Variants in HS6ST3 observed in about 807,000 individuals in gnomAD.
The protein encoded by HS6ST3 is heparan sulfate 6-O-sulfotransferase 3, also known as heparan-sulfate 6-O-sulfotransferase 3.
Under a neutral mutation model 36.7 loss-of-function variants are expected in HS6ST3, and 12 were observed. That is an observed-to-expected ratio of 0.33 (90% CI 0.21 to 0.53). The LOEUF (loss-of-function observed/expected upper bound fraction) is 0.53, where lower values mean the gene tolerates loss of function less well. Ranked by LOEUF, HS6ST3 falls within the 20% of genes least tolerant of loss-of-function variation. HS6ST3 has a pLI of 0.95. For missense variants in HS6ST3, 584 were observed against 640.9 expected (o/e 0.91, Z 0.96); for synonymous variants, 240 against 257.5 (o/e 0.93, Z 0.65).
rs890016170 is a variant in HS6ST3, at chr13:96,184,269, T to C, written c.707+92700T>C. 2.6e-5 allele frequency among the ~76,000 whole-genome samples: 4 copies of C among 151,826 alleles called. No individual in the cohort carries two copies. In the East Asian group the frequency reaches 7.7e-4, roughly 29 times the overall value. On this transcript the variant is annotated intron_variant, in intron 1 of 1. Transcript: ENST00000376705. ...TAGTTAAGATGGTAAGATTTATCTA[T>C]GTGTATTTTACCACAATTAAAAAAA...
chr13:96,751,432 G>A (rs1205680326), intron 1 of HS6ST3, among the ~76,000 whole-genome samples: 14 of 152,104 alleles, frequency 9.2e-5, no homozygotes, highest in African/African-American at 3.1e-4. Context: ...TGGAAAGGGA[G>A]GGACAGAATC....
At chr13:96,103,276 G>A (rs1481779374) in intron 1 of HS6ST3, among the ~76,000 whole-genome samples, 1 of 152,176 alleles carries the variant, frequency 6.6e-6, no homozygotes, top group Non-Finnish European at 1.5e-5. Context: ...TAATTTGGCA[G>A]AGTGGTATCC....
chr13:96,382,144 T>C (rs1267628082), intron 1 of HS6ST3, among the ~76,000 whole-genome samples: 1 of 152,122 alleles, frequency 6.6e-6, no homozygotes, highest in African/African-American at 2.4e-5. Flanking sequence ...TAAGGAGGGT[T>C]GTTTTGCTAG....
chr13:96,620,987 C>T (rs1432432726), intron 1 of HS6ST3, among the ~76,000 whole-genome samples: 3 of 152,158 alleles, frequency 2.0e-5, no homozygotes, highest in African/African-American at 7.2e-5. Flanking sequence ...AGTCCTAGAC[C>T]TGGGAGGCAG....
At chr13:96,742,252 A>T (rs1439537113) in intron 1 of HS6ST3, among the ~76,000 whole-genome samples, 1 of 152,132 alleles carries the variant, frequency 6.6e-6, no homozygotes, top group African/African-American at 2.4e-5. Context: ...ACGGCAGAAA[A>T]GGAGGAAAAA....
chr13:96,158,226 G>C (rs1157480243), intron 1 of HS6ST3, among the ~76,000 whole-genome samples: 1 of 152,150 alleles, frequency 6.6e-6, no homozygotes, highest in East Asian at 1.9e-4. Context: ...GGCTGTGCAG[G>C]AGGAGTGCTA....
At position 96,832,617 on chromosome 13, in the gene HS6ST3, G is replaced by T. The variant is rs759593534; in HGVS notation, c.835G>T (p.Asp279Tyr). The change falls in exon 2 of 2, where the codon GAT (aspartate) becomes TAT (tyrosine). Residue 279 changes from aspartate (D) to tyrosine (Y), a missense_variant. Asp to Tyr is a radical substitution (Grantham distance 160, BLOSUM62 -3). This residue lies in a region of HS6ST3 where 360 missense variants were observed against 411.3 expected (regional missense o/e 0.88). Coordinates refer to ENST00000376705, the MANE Select transcript of HS6ST3 (RefSeq NM_153456.4). Reference sequence around the variant, plus strand: ...GTGTGATGGAAGAAGCCCCACCCCAGATGAGCTGCCTACCTGCTACCCTGG... The same window carrying T: ...GTGTGATGGAAGAAGCCCCACCCCATATGAGCTGCCTACCTGCTACCCTGG... ...HMCDGRSPTP[D>Y]ELPTCYPGDD... 1 of 1,614,168 alleles carries T rather than the reference G, an allele frequency of 6.2e-7. No individual in the cohort carries two copies. The highest frequency in any genetic ancestry group is 8.5e-7 in the Non-Finnish European group (1 of 1,180,018).
chr13:96,738,452 G>GA (rs1285368424), intron 1 of HS6ST3, among the ~76,000 whole-genome samples: 1 of 151,772 alleles, frequency 6.6e-6, no homozygotes, highest in Non-Finnish European at 1.5e-5. Flanking sequence ...TATTCAAATG[G>GA]AAAAAATCTC....
At chr13:96,615,524 G>C (rs1427088499) in intron 1 of HS6ST3, among the ~76,000 whole-genome samples, 1 of 152,154 alleles carries the variant, frequency 6.6e-6, no homozygotes, top group African/African-American at 2.4e-5. Context: ...TGTAGACCCT[G>C]TATATATCAC....
intron 1 of HS6ST3, among the ~76,000 whole-genome samples, chr13:96,399,871 A>T (rs930099401): frequency 2.0e-5 from 3 of 152,244 alleles, no homozygotes; most frequent in Admixed American, 6.5e-5. Context: ...CTACATTATA[A>T]GTAAAAACTA....
At position 96,834,005 on chromosome 13, in the gene HS6ST3, T is replaced by A. The variant is rs1460139145; in HGVS notation, c.*807T>A. 6.6e-6 allele frequency: 1 copy of A among 152,182 alleles called. No individual in the cohort carries two copies. Among genetic ancestry groups the A allele is most frequent in the African/African-American group, 2.4e-5 (1 of 41,426 alleles). 9.4% of individuals were successfully genotyped at this position (152,182 alleles called of 1,614,324 possible). ...TCACTTTACCAATTGTTACTTTCAATGTGAGGAATGAATGATAAATTAAGA... is the reference window on the plus strand; with the variant it reads ...TCACTTTACCAATTGTTACTTTCAAAGTGAGGAATGAATGATAAATTAAGA... On this transcript the variant is annotated 3_prime_UTR_variant, in exon 2 of 2. Transcript: ENST00000376705.
At chr13:96,441,960 A>G (rs2139480676) in intron 1 of HS6ST3, among the ~76,000 whole-genome samples, 1 of 152,318 alleles carries the variant, frequency 6.6e-6, no homozygotes, top group South Asian at 2.1e-4. Flanking sequence ...AAAATTTTCC[A>G]GAGTTAAAAA....
chr13:96,156,312 A>G (rs2054110260), intron 1 of HS6ST3, among the ~76,000 whole-genome samples: 1 of 152,174 alleles, frequency 6.6e-6, no homozygotes, highest in South Asian at 2.1e-4. Context: ...ATACTGTGGC[A>G]TCCTCCTGCT....
At chr13:96,347,201 T>G (rs1441051703) in intron 1 of HS6ST3, among the ~76,000 whole-genome samples, 1 of 152,140 alleles carries the variant, frequency 6.6e-6, no homozygotes, top group Non-Finnish European at 1.5e-5. Context: ...CGGAACTGTT[T>G]CAAGCTGCTA....
chr13:96,193,696 A>G (rs1208082944), intron 1 of HS6ST3, among the ~76,000 whole-genome samples: 6 of 152,214 alleles, frequency 3.9e-5, no homozygotes, highest in Admixed American at 1.3e-4. Flanking sequence ...GCTGAAAACA[A>G]TAATGATCTA....
At chr13:96,395,197 T>C (rs1437044469) in intron 1 of HS6ST3, among the ~76,000 whole-genome samples, 1 of 152,188 alleles carries the variant, frequency 6.6e-6, no homozygotes, top group African/African-American at 2.4e-5. Context: ...GTAATGATAA[T>C]AATATTGTAA....
At chr13:96,764,459 T>C (rs1473287106) in intron 1 of HS6ST3, among the ~76,000 whole-genome samples, 1 of 152,226 alleles carries the variant, frequency 6.6e-6, no homozygotes, top group Non-Finnish European at 1.5e-5. Context: ...AGCGTGCTTC[T>C]CAAGGTCACA....
chr13:96,332,208 C>G (rs2055074670), intron 1 of HS6ST3, among the ~76,000 whole-genome samples: 1 of 152,118 alleles, frequency 6.6e-6, no homozygotes. Context: ...GCTCCTCCCC[C>G]CATTTTTTCC....
At chr13:96,605,174 G>T (rs563639417) in intron 1 of HS6ST3, among the ~76,000 whole-genome samples, 2 of 152,168 alleles carry the variant, frequency 1.3e-5, no homozygotes, top group Admixed American at 1.3e-4. Context: ...GGACCTGAGG[G>T]TATTCTTACC....
Sources: allele counts gnomAD v4.1 joint callset (sites outside exome capture counted in the v4.1 genomes callset), GRCh38; gene constraint gnomAD v4.1.1; regional missense constraint gnomAD v4.1.1; transcripts MANE v1.5; gene names NCBI Gene and HGNC (gene_info 2026-07-23, HGNC 2026-07-21).